Variants in LAT2 observed in about 807,000 individuals in gnomAD.
The protein encoded by LAT2 is linker for activation of T-cells family member 2.
A neutral mutation model predicts 43.4 loss-of-function variants in LAT2; 23 were observed. That is an observed-to-expected ratio of 0.53 (90% CI 0.38 to 0.75). The LOEUF (loss-of-function observed/expected upper bound fraction) is 0.75. Among genes scored for constraint, LAT2 ranks in the 30% least tolerant of loss-of-function variants. The probability of loss-of-function intolerance (pLI) is 0.00; values close to 1 mark genes in which losing one functional copy is unlikely to be tolerated. For missense variants in LAT2, 284 were observed against 310.2 expected (o/e 0.92, Z 0.64); for synonymous variants, 128 against 123.2 (o/e 1.04, Z -0.26).
intron 4 of LAT2, among the ~76,000 whole-genome samples, 172 bp downstream of exon 4, chr7:74,217,036 C>G (rs1420702036): frequency 6.6e-6 from 1 of 152,118 alleles, no homozygotes; most frequent in African/African-American, 2.4e-5. Flanking sequence ...CAGGGGCTGT[C>G]CAGGCCCTGC....
Position 74,229,182 on chromosome 7 carries a change from T to G in LAT2, c.*257T>G, listed in dbSNP as rs2116216667. On this transcript the variant is annotated 3_prime_UTR_variant, in exon 14 of 14. Transcript: ENST00000460943. ...CAGGCTTTGTGGGGCAGGCACCTGGTACCAAGGGTAACCCGGCTCCTGGTA... is the reference window on the plus strand; with the variant it reads ...CAGGCTTTGTGGGGCAGGCACCTGGGACCAAGGGTAACCCGGCTCCTGGTA... The G allele has an allele frequency of 6.6e-6, 1 of 152,344 alleles. No individual in the cohort carries two copies. The highest frequency in any genetic ancestry group is 1.9e-4 in the East Asian group (1 of 5,190). The allele number at this position is 152,344 out of a possible 1,614,324, so 9.4% of individuals were successfully genotyped here. A position where few individuals can be genotyped will look rare whatever the true frequency, so the allele number is the denominator to read the frequency against.
Position 74,215,952 on chromosome 7 carries a change from C to T in LAT2, c.-24C>T. ...ACGGGCACCTCCCATTTCAGCATCA[C>T]AAGAGGCAACACCAGGAGCCAACAT... On this transcript the variant is annotated 5_prime_UTR_variant, in exon 3 of 14. Transcript: ENST00000460943. 1 of 1,610,738 alleles carries T rather than the reference C, an allele frequency of 6.2e-7. No individual in the cohort carries two copies. Among genetic ancestry groups the T allele is most frequent in the Non-Finnish European group, 8.5e-7 (1 of 1,176,994 alleles).
intron 10 of LAT2, 150 bp downstream of exon 10, chr7:74,221,842 C>T (rs1016793968): frequency 4.9e-5 from 7 of 142,544 alleles, no homozygotes; most frequent in East Asian, 1.9e-4. Flanking sequence ...GTGCTGCAGG[C>T]GGGGGCCAAG....
In LAT2 at chr7:74,215,872, G is replaced by C. The variant is rs555746775; in HGVS notation, c.-29-75G>C. On this transcript the variant is annotated intron_variant, in intron 2 of 13. Coordinates refer to ENST00000460943, the MANE Select transcript of LAT2 (RefSeq NM_032464.3). ...GCAGCCTAGGCTCAGGTATGGGGCT[G>C]TCCGAGCACAGTGGGGGTGTGGGGT... is the stretch of plus-strand genomic sequence containing the variant. 4.7e-5 allele frequency: 48 copies of C among 1,013,226 alleles called. No homozygotes were observed. In the East Asian group the frequency reaches 1.0e-3, roughly 21 times the overall value. The allele number at this position is 1,013,226 out of a possible 1,614,324, so 62.8% of individuals were successfully genotyped here.
At chr7:74,210,615 C>G (rs1801699335) in intron 1 of LAT2, among the ~76,000 whole-genome samples, 1 of 152,062 alleles carries the variant, frequency 6.6e-6, no homozygotes, top group South Asian at 2.1e-4. Flanking sequence ...CTCTCTCCCT[C>G]CCAGCTAGGC....
chr7:74,224,681 C>A lies in LAT2; in HGVS notation c.671C>A (p.Pro224Gln). Residue 224 changes from proline (P) to glutamine (Q), a missense_variant, in exon 13 of 14, where the codon CCA (proline) becomes CAA (glutamine). Transcript: ENST00000460943. ...GCATCCCCTGGCCCGGTGGGAAGCC[C>A]AGACGAGGAGGACGGGGAACCGGAT... ...REASPGPVGS[P>Q]DEEDGEPDYV... 6.2e-7 allele frequency: 1 copy of A among 1,608,664 alleles called. No individual in the cohort carries two copies. Among genetic ancestry groups the A allele is most frequent in the South Asian group, 1.1e-5 (1 of 89,820 alleles).
In LAT2 at chr7:74,220,147, G is replaced by A; in HGVS notation, c.228-70G>A. ...CTATGAAGGCCCCACAAGGGGTATG[G>A]GGGGATGTGTCCTGGGGGGCCTCTC... On this transcript the variant is annotated intron_variant, in intron 6 of 13. Coordinates refer to ENST00000460943, the MANE Select transcript of LAT2 (RefSeq NM_032464.3). This position sits in a 1 kb window ranked among gnomAD's most constrained non-coding sequence, Gnocchi z 4.5. 2 of 1,562,790 alleles carry A rather than the reference G, an allele frequency of 1.3e-6. No homozygotes were observed. Among genetic ancestry groups the A allele is most frequent in the Non-Finnish European group, 1.7e-6 (2 of 1,145,234 alleles).
intron 1 of LAT2, among the ~76,000 whole-genome samples, chr7:74,212,869 C>T (rs1801777035): frequency 3.3e-5 from 5 of 152,196 alleles, no homozygotes. Flanking sequence ...CTCAGAAATT[C>T]ACTTGTTCCC....
At chr7:74,224,408 G>A (rs1353940607) in intron 12 of LAT2, among the ~76,000 whole-genome samples, 1 of 152,146 alleles carries the variant, frequency 6.6e-6, no homozygotes, top group Non-Finnish European at 1.5e-5. Flanking sequence ...GGTCCTCCCG[G>A]GCAGGCCGCC....
At chr7:74,227,854 C>T (rs1802546479) in intron 13 of LAT2, among the ~76,000 whole-genome samples, 1 of 151,868 alleles carries the variant, frequency 6.6e-6, no homozygotes, top group South Asian at 2.1e-4. Context: ...GCCTGGGCCA[C>T]AGAGCAAGAC....
chr7:74,214,571 TGAAAATATATATATAA>T (rs1554713856), intron 1 of LAT2, among the ~76,000 whole-genome samples: 13 of 868 alleles, frequency 0.015, 4 homozygotes, highest in Non-Finnish European at 0.018. Flanking sequence ...TATATATATA[TGAAAATATATATATAA>T]ATATATATAT....
Position 74,224,737 on chromosome 7 carries a change from G to T in LAT2, c.727G>T (p.Ala243Ser). 6.3e-7 allele frequency: 1 copy of T among 1,591,006 alleles called. No homozygotes were observed. Among genetic ancestry groups the T allele is most frequent in the Non-Finnish European group, 8.6e-7 (1 of 1,168,310 alleles). Residue 243 changes from alanine (A) to serine (S), a missense_variant, in exon 13 of 14, where the codon GCC (alanine) becomes TCC (serine). Physicochemically the swap from Ala to Ser is moderately conservative, Grantham distance 99. Coordinates refer to ENST00000460943, the MANE Select transcript of LAT2 (RefSeq NM_032464.3). ...YVNGEVAATE[A>S] Reference sequence around the variant, plus strand: ...GAATGGGGAGGTGGCAGCCACAGAAGCCTAGGGCAGACCAAGAAGAAAGGT... The same window carrying T: ...GAATGGGGAGGTGGCAGCCACAGAATCCTAGGGCAGACCAAGAAGAAAGGT...
In LAT2 at chr7:74,219,727, A is replaced by T. The variant is rs530658196; in HGVS notation, c.135-17A>T. ...GGGAGTCCAGGCCCAGGCTCAGCAC[A>T]GCCCATGCATTTCCAGGCGTGAGGA... On this transcript the variant is annotated splice_polypyrimidine_tract_variant and intron_variant, in intron 4 of 13. Transcript: ENST00000460943. 3.1e-6 allele frequency: 5 copies of T among 1,614,044 alleles called. No individual in the cohort carries two copies. In the South Asian group the frequency reaches 5.5e-5, roughly 18 times the overall value.
intron 13 of LAT2, among the ~76,000 whole-genome samples, chr7:74,227,760 C>G (rs1481414232): frequency 6.6e-6 from 1 of 152,108 alleles, no homozygotes; most frequent in African/African-American, 2.4e-5. Context: ...GTAGTCCCAG[C>G]TACTCGGAGG....
chr7:74,214,791 ATTTT>A (rs59726565), intron 1 of LAT2, 27 bp from the exon 2 acceptor site: 49 of 79,336 alleles, frequency 6.2e-4, no homozygotes, highest in African/African-American at 2.6e-3. Flanking sequence ...ATATATATAT[ATTTT>A]TTTTTTTTTT....
Position 74,221,619 on chromosome 7 carries a change from A to G in LAT2, c.333-18A>G, listed in dbSNP as rs782627549. The G allele has an allele frequency of 9.3e-6, 15 of 1,609,762 alleles. No homozygotes were observed. The East Asian group carries it at 1.4e-4, about 15-fold the overall frequency. On this transcript the variant is annotated intron_variant, in intron 9 of 13. Coordinates refer to ENST00000460943, the MANE Select transcript of LAT2 (RefSeq NM_032464.3). ...CAGCCTGCCCTGAAACCTGTGTTGT[A>G]TATGTTTTCTTGGCCAGAGACCCCA...
At chr7:74,212,481 C>T (rs1160876972) in intron 1 of LAT2, among the ~76,000 whole-genome samples, 1 of 152,048 alleles carries the variant, frequency 6.6e-6, no homozygotes, top group African/African-American at 2.4e-5. Context: ...AGGGTTTCAC[C>T]ATGTTGGCCA....
intron 10 of LAT2, among the ~76,000 whole-genome samples, chr7:74,222,033 C>A (rs539475317): frequency 6.6e-5 from 10 of 151,872 alleles, no homozygotes; most frequent in African/African-American, 2.2e-4. Flanking sequence ...GGATGGTGAT[C>A]CCTGCAGGCT....
intron 5 of LAT2, 41 bp from the exon 6 acceptor site, chr7:74,219,919 G>T: frequency 6.2e-7 from 1 of 1,612,688 alleles, no homozygotes; most frequent in Non-Finnish European, 8.5e-7. Flanking sequence ...GGCTGGGCTA[G>T]CTGGGGGCCC....
Sources: gnomAD v4.1 joint callset for allele counts (sites outside exome capture counted in the v4.1 genomes callset) on GRCh38, gnomAD v4.1.1 for gene constraint, Gnocchi (gnomAD v3.1) non-coding constraint, MANE v1.5 for transcripts, NCBI Gene and HGNC (gene_info 2026-07-23, HGNC 2026-07-21) for gene names.